The following PIGX variants were observed in gnomAD, a reference collection of about 807,000 sequenced individuals.
PIGX encodes phosphatidylinositol glycan anchor biosynthesis class X, also known as GPI alpha-1,4-mannosyltransferase I, stabilizing subunit.
A neutral mutation model predicts 28.7 loss-of-function variants in PIGX; 24 were observed. That is an observed-to-expected ratio of 0.84 (90% CI 0.60 to 1.17). The LOEUF (loss-of-function observed/expected upper bound fraction) is 1.17. Ranked by LOEUF, PIGX falls within the 50% of genes most tolerant of loss-of-function variation. The pLI is 0.00. For missense variants in PIGX, 305 were observed against 317.8 expected (o/e 0.96, Z 0.31); for synonymous variants, 127 against 121.0 (o/e 1.05, Z -0.33).
At chr3:196,724,215 A>G (rs1232488231) in intron 3 of PIGX, among the ~76,000 whole-genome samples, 2 of 151,862 alleles carry the variant, frequency 1.3e-5, no homozygotes, top group African/African-American at 4.8e-5. Context: ...GGGTTTCACA[A>G]TGTTGGCCTG....
At chr3:196,722,625 A>C in intron 3 of PIGX, 69 bp downstream of exon 3, 1 of 1,305,942 alleles carries the variant, frequency 7.7e-7, no homozygotes, top group Non-Finnish European at 1.1e-6. Context: ...ATTAAGGAAA[A>C]ATAGTAGGTT....
At chr3:196,721,688 A>G (rs1025084393) in intron 2 of PIGX, among the ~76,000 whole-genome samples, 1 of 151,760 alleles carries the variant, frequency 6.6e-6, no homozygotes, top group East Asian at 1.9e-4. Flanking sequence ...CTCCTGCATC[A>G]TTTGAATCCC....
At chr3:196,713,407 ATTC>A (rs550897815) in intron 1 of PIGX, among the ~76,000 whole-genome samples, 144 of 151,916 alleles carry the variant, frequency 9.5e-4, no homozygotes, top group Admixed American at 2.0e-3. Context: ...AGTTCAAGCA[ATTC>A]TTCTGCTTCA....
intron 3 of PIGX, among the ~76,000 whole-genome samples, chr3:196,723,484 A>G (rs936087209): frequency 9.9e-5 from 15 of 152,238 alleles, no homozygotes; most frequent in Non-Finnish European, 2.1e-4. Context: ...CCCCGTAGTT[A>G]GAAAAGTTTC....
chr3:196,724,234 C>G (rs916485696), intron 3 of PIGX, among the ~76,000 whole-genome samples: 1 of 152,004 alleles, frequency 6.6e-6, no homozygotes, highest in Admixed American at 6.6e-5. Flanking sequence ...TGGCTGATCT[C>G]GAACTCCTGA....
chr3:196,718,329 G>C (rs535634277), intron 2 of PIGX, among the ~76,000 whole-genome samples: 24 of 152,146 alleles, frequency 1.6e-4, no homozygotes, highest in African/African-American at 5.5e-4. Flanking sequence ...AAAAAAAAGG[G>C]GGGGAAGGGT....
At chr3:196,726,662 C>T (rs946727463) in intron 3 of PIGX, 2 of 456,462 alleles carry the variant, frequency 4.4e-6, no homozygotes, top group Admixed American at 2.3e-5. Context: ...CAGGAGAAGA[C>T]TTCATGGCGG....
rs1383372582 is a variant in PIGX at position 196,734,637 on chromosome 3, A to G, written c.*735A>G. 1 of 152,214 alleles carries G rather than the reference A, an allele frequency of 6.6e-6. No individual in the cohort carries two copies. Among genetic ancestry groups the G allele is most frequent in the Admixed American group, 6.5e-5 (1 of 15,268 alleles). 9.4% of individuals were successfully genotyped at this position (152,214 alleles called of 1,614,324 possible). A position where few individuals can be genotyped will look rare whatever the true frequency, so the allele number is the denominator to read the frequency against. The stretch of plus-strand genomic sequence containing the variant: ...TTTATTTAAATAGTAATGTCATGAG[A>G]CTATTAAAGATGTGCCAGAGTTTCA... On this transcript the variant is annotated 3_prime_UTR_variant, in exon 6 of 6. Coordinates refer to ENST00000392391, the MANE Select transcript of PIGX (RefSeq NM_017861.4).
intron 3 of PIGX, among the ~76,000 whole-genome samples, chr3:196,723,112 CAGGCAGATTG>C (rs1334151445): frequency 8.5e-5 from 13 of 152,120 alleles, no homozygotes; most frequent in Non-Finnish European, 1.6e-4. Flanking sequence ...GAGGCCAAGG[CAGGCAGATTG>C]CCTGAGCTTG....
chr3:196,728,598 C>A lies in PIGX; in HGVS notation c.532+462C>A, dbSNP rs563836954. The A allele has an allele frequency of 8.1e-6, 6 of 742,912 alleles. No homozygotes were observed. The East Asian group carries it at 1.5e-4, about 18-fold the overall frequency. The allele number at this position is 742,912 out of a possible 1,614,324, so 46.0% of individuals were successfully genotyped here. On this transcript the variant is annotated intron_variant, in intron 4 of 5. Transcript: ENST00000392391. ...TCCCTTTCCTTTCTTCAACACTGAT[C>A]TGTTGAAAGAACCTGGGCCATTTGA...
chr3:196,729,348 T>TA (rs1165455673), intron 4 of PIGX, among the ~76,000 whole-genome samples: 2 of 150,852 alleles, frequency 1.3e-5, no homozygotes, highest in Non-Finnish European at 1.5e-5. Flanking sequence ...AAAAATAAAA[T>TA]AAAAAAAATA....
intron 2 of PIGX, among the ~76,000 whole-genome samples, chr3:196,719,447 A>G (rs1316814101): frequency 6.6e-6 from 1 of 152,174 alleles, no homozygotes; most frequent in Non-Finnish European, 1.5e-5. Flanking sequence ...GTCATTTAGC[A>G]TTAGGTTAAA....
At chr3:196,712,980 A>G (rs992126170) in intron 1 of PIGX, 2 of 997,476 alleles carry the variant, frequency 2.0e-6, no homozygotes, top group African/African-American at 3.5e-5. Context: ...GGGGCCAGGC[A>G]AGGCCTTAGC....
In PIGX at chr3:196,727,238, T is replaced by C. The variant is rs190911668; in HGVS notation, c.319-685T>C. The stretch of plus-strand genomic sequence containing the variant: ...ATATGTGAGTGTGTGTACATAAATA[T>C]GTATGTATATGTGGATATATGTGTA... On this transcript the variant is annotated intron_variant, in intron 3 of 5. Transcript: ENST00000392391. Among the ~76,000 whole-genome samples the C allele has an allele frequency of 1.5e-3, 235 of 152,344 alleles. 1 individual carries two copies. The highest frequency in any genetic ancestry group is 2.4e-3 in the Non-Finnish European group (165 of 68,032).
At chr3:196,713,710 C>CCCT (rs1711945909) in intron 1 of PIGX, among the ~76,000 whole-genome samples, 1 of 151,508 alleles carries the variant, frequency 6.6e-6, no homozygotes, top group South Asian at 2.1e-4. Flanking sequence ...GATGGCGTGC[C>CCCT]CCTGTAGTCC....
At position 196,721,798 on chromosome 3, in the gene PIGX, G is replaced by A. The variant is rs147617583; in HGVS notation, c.177-617G>A. 6.1e-3 allele frequency among the ~76,000 whole-genome samples: 922 copies of A among 151,348 alleles called. 6 individuals carry two copies. Among genetic ancestry groups the A allele is most frequent in the South Asian group, 0.013 (63 of 4,786 alleles). On this transcript the variant is annotated intron_variant, in intron 2 of 5. Transcript: ENST00000392391. ...GATGGGGATTTGCTCTGTCACCCAGGCTGGAGTACAGGGGCATGATCTTGG... is the reference window on the plus strand; with the variant it reads ...GATGGGGATTTGCTCTGTCACCCAGACTGGAGTACAGGGGCATGATCTTGG...
chr3:196,733,798 A>G lies in PIGX; in HGVS notation c.673A>G (p.Thr225Ala), dbSNP rs1169723412. 1 of 1,576,928 alleles carries G rather than the reference A, an allele frequency of 6.3e-7. No individual in the cohort carries two copies. Among genetic ancestry groups the G allele is most frequent in the Admixed American group, 1.7e-5 (1 of 59,920 alleles). ...GATTCTACAAGTTCCAGTGGGACTGACTGTACATACCTCTCTAGTATGTTC... is the reference window on the plus strand; with the variant it reads ...GATTCTACAAGTTCCAGTGGGACTGGCTGTACATACCTCTCTAGTATGTTC... Residue 225 changes from threonine to alanine, a missense_variant, in exon 6 of 6, where the codon ACT becomes GCT. Thr to Ala is a moderately conservative substitution (Grantham distance 58, BLOSUM62 0). Coordinates refer to ENST00000392391, the MANE Select transcript of PIGX (RefSeq NM_017861.4). This position sits in a 1 kb window ranked among gnomAD's most constrained non-coding sequence, Gnocchi z 4.3.
intron 4 of PIGX, among the ~76,000 whole-genome samples, chr3:196,729,194 G>A (rs1243811666): frequency 2.6e-5 from 4 of 151,936 alleles, no homozygotes; most frequent in Non-Finnish European, 5.9e-5. Context: ...TTAGCTGGGA[G>A]AGGTGGCGGG....
chr3:196,729,052 T>C (rs1236380961), intron 4 of PIGX, among the ~76,000 whole-genome samples: 1 of 152,100 alleles, frequency 6.6e-6, no homozygotes, highest in African/African-American at 2.4e-5. Context: ...CAGCTTTTGC[T>C]GCCGGGCGAG....
Sources: gnomAD v4.1 joint callset for allele counts (sites outside exome capture counted in the v4.1 genomes callset) on GRCh38, gnomAD v4.1.1 for gene constraint, Gnocchi (gnomAD v3.1) non-coding constraint, MANE v1.5 for transcripts, NCBI Gene and HGNC (gene_info 2026-07-23, HGNC 2026-07-21) for gene names.